RGL1: variants seen among roughly 807,000 people sequenced by gnomAD.
RGL1 encodes ral guanine nucleotide dissociation stimulator like 1, also known as ral guanine nucleotide dissociation stimulator-like 1.
In RGL1, 24 loss-of-function variants were observed where a neutral mutation model predicts 95.2. The observed-to-expected ratio is 0.25, with a 90% CI of 0.18 to 0.35. RGL1 has a LOEUF of 0.35. Among genes scored for constraint, RGL1 ranks in the 10% least tolerant of loss-of-function variants. The pLI, the probability that RGL1 is intolerant of heterozygous loss-of-function variation, is 1.00. For missense variants in RGL1, 715 were observed against 936.3 expected (o/e 0.76, Z 3.08); for synonymous variants, 329 against 344.9 (o/e 0.95, Z 0.51).
intron 16 of RGL1, among the ~76,000 whole-genome samples, chr1:183,921,417 G>C (rs1669302825): frequency 6.6e-6 from 1 of 152,100 alleles, no homozygotes; most frequent in Non-Finnish European, 1.5e-5. Flanking sequence ...TCCTAACCTA[G>C]AGGTTCATTT....
rs770074289 is a variant in RGL1 at position 183,916,524 on chromosome 1, C to T, written c.1827C>T (p.Asn609=). The change falls in exon 16 of 18, where the codon AAC becomes AAT. Residue 609 remains asparagine, a synonymous_variant. Transcript: ENST00000360851. The stretch of plus-strand genomic sequence containing the variant: ...CCTCAGGGATGTCTTCCTTAATCAA[C>T]CCCCTCTCCTCCCCTCCGTCCTGCA... The part of the protein sequence containing the change: ...TNSSGMSSLI[N]PLSSPPSCNN... 3.1e-6 allele frequency: 5 copies of T among 1,613,502 alleles called. No individual in the cohort carries two copies. The highest frequency in any genetic ancestry group is 2.2e-5 in the East Asian group (1 of 44,878).
At chr1:183,689,803 G>A (rs1005655467) in intron 1 of RGL1, among the ~76,000 whole-genome samples, 5 of 152,146 alleles carry the variant, frequency 3.3e-5, no homozygotes, top group African/African-American at 7.2e-5. Flanking sequence ...AAGATGAACA[G>A]AGGGATGGGT....
chr1:183,774,574 CTTTTT>C (rs61380355), intron 2 of RGL1, among the ~76,000 whole-genome samples: 6 of 100,898 alleles, frequency 5.9e-5, no homozygotes, highest in Admixed American at 1.1e-4. Flanking sequence ...TTCTTTTTTC[CTTTTT>C]TTTTTTTTTT....
chr1:183,864,338 C>A (rs1665696938), intron 3 of RGL1, among the ~76,000 whole-genome samples: 1 of 152,122 alleles, frequency 6.6e-6, no homozygotes, highest in African/African-American at 2.4e-5. Flanking sequence ...GATTAAGTCC[C>A]ACATTTAGTA....
At chr1:183,846,539 T>A (rs1209099801) in intron 2 of RGL1, among the ~76,000 whole-genome samples, 184 of 137,684 alleles carry the variant, frequency 1.3e-3, no homozygotes, top group African/African-American at 4.4e-3. Flanking sequence ...AAGTATAATT[T>A]TTAAAAAAAA....
intron 14 of RGL1, 103 bp from the exon 15 acceptor site, chr1:183,911,979 A>G: frequency 1.0e-6 from 1 of 953,142 alleles, no homozygotes; most frequent in African/African-American, 1.6e-5. Context: ...AGAACACACA[A>G]GACTGAAAAA....
chr1:183,661,406 A>C (rs1009568823), intron 1 of RGL1, among the ~76,000 whole-genome samples: 2 of 152,204 alleles, frequency 1.3e-5, no homozygotes, highest in African/African-American at 4.8e-5. Context: ...AATGCAAACT[A>C]CCATCAGAGA....
chr1:183,922,127 TCACAA>T (rs1669339299), intron 16 of RGL1, 90 bp from the exon 17 acceptor site: 1 of 1,003,504 alleles, frequency 1.0e-6, no homozygotes, highest in Non-Finnish European at 1.5e-6. Context: ...TGGAAAGGCA[TCACAA>T]CACAAGACAG....
intron 1 of RGL1, among the ~76,000 whole-genome samples, chr1:183,673,816 T>A (rs931070695): frequency 2.6e-5 from 4 of 152,198 alleles, no homozygotes; most frequent in African/African-American, 9.7e-5. Context: ...CTAAACCAAG[T>A]GTGAACTTGC....
intron 1 of RGL1, among the ~76,000 whole-genome samples, chr1:183,685,491 G>T (rs1331268989): frequency 6.6e-6 from 1 of 152,116 alleles, no homozygotes; most frequent in East Asian, 1.9e-4. Context: ...TTTTCTACAA[G>T]ACCTTTTAAT....
At chr1:183,655,171 A>C (rs1174661) in intron 1 of RGL1, among the ~76,000 whole-genome samples, 151,802 of 152,352 alleles carry the variant, frequency 1, 75,628 homozygotes, top group Middle Eastern at 1. Flanking sequence ...AGACTAAACT[A>C]TCCTGCAATG....
At chr1:183,711,413 G>C (rs1380274946) in intron 1 of RGL1, among the ~76,000 whole-genome samples, 2 of 152,160 alleles carry the variant, frequency 1.3e-5, no homozygotes, top group Non-Finnish European at 2.9e-5. Flanking sequence ...AGTTTTCTGG[G>C]AGCCCTCCAA....
intron 3 of RGL1, among the ~76,000 whole-genome samples, chr1:183,865,469 A>G (rs1665768530): frequency 6.6e-6 from 1 of 152,172 alleles, no homozygotes; most frequent in Admixed American, 6.5e-5. Flanking sequence ...TTTAGGGTCC[A>G]GAGCTATTTC....
intron 4 of RGL1, among the ~76,000 whole-genome samples, chr1:183,867,701 T>G (rs372576407): frequency 5.9e-5 from 9 of 151,562 alleles, no homozygotes; most frequent in African/African-American, 1.9e-4. Context: ...TGAGAAAACA[T>G]CCATGATGCG....
At chr1:183,664,191 T>A (rs1651869107) in intron 1 of RGL1, among the ~76,000 whole-genome samples, 1 of 150,512 alleles carries the variant, frequency 6.6e-6, no homozygotes, top group African/African-American at 2.5e-5. Context: ...TGTGCACATG[T>A]ACCCTAAAAC....
intron 2 of RGL1, among the ~76,000 whole-genome samples, chr1:183,809,391 T>C (rs1193790171): frequency 1.3e-5 from 2 of 152,196 alleles, no homozygotes; most frequent in African/African-American, 4.8e-5. Flanking sequence ...TCTTTTAAAG[T>C]AAAACTCTGT....
intron 1 of RGL1, among the ~76,000 whole-genome samples, chr1:183,740,433 A>G (rs1261672369): frequency 6.6e-6 from 1 of 152,198 alleles, no homozygotes; most frequent in African/African-American, 2.4e-5. Flanking sequence ...GAAGCCCCAG[A>G]GCAGAGAAGT....
chr1:183,803,213 T>C (rs1391674232), upstream of RGL1, among the ~76,000 whole-genome samples: 1 of 152,244 alleles, frequency 6.6e-6, no homozygotes, highest in Non-Finnish European at 1.5e-5. Context: ...TTCCTAGTGT[T>C]GCATACATAA....
rs187678557 is a variant in RGL1 at position 183,660,518 on chromosome 1, T to C, written c.-33+24017T>C. The stretch of plus-strand genomic sequence containing the variant: ...AACAAGAAGAGCTAACTATCCTAAA[T>C]ATATATACACCCAATACAGGACCAC... On this transcript the variant is annotated intron_variant, in intron 1 of 18. Transcript: ENST00000304685. 2.0e-5 allele frequency among the ~76,000 whole-genome samples: 3 copies of C among 151,594 alleles called. No individual in the cohort carries two copies. The East Asian group carries it at 5.8e-4, about 29-fold the overall frequency.
Sources: allele counts gnomAD v4.1 joint callset (sites outside exome capture counted in the v4.1 genomes callset), GRCh38; gene constraint gnomAD v4.1.1; transcripts MANE v1.5; gene names NCBI Gene and HGNC (gene_info 2026-07-23, HGNC 2026-07-21).